Variants in PHF14 observed in about 807,000 individuals in gnomAD.
The protein encoded by PHF14 is PHD finger protein 14.
A neutral mutation model predicts 117.9 loss-of-function variants in PHF14; 55 were observed. The ratio of observed to expected loss-of-function variants is 0.47; its 90% CI spans 0.38 to 0.58. The LOEUF (loss-of-function observed/expected upper bound fraction) is 0.58. PHF14 is among the 20% of genes least tolerant of loss of function. The pLI is 0.00. For missense variants in PHF14, 978 were observed against 1,122.2 expected, an observed-to-expected ratio of 0.87 and a Z score of 1.84; for synonymous variants, 409 against 368.6, an observed-to-expected ratio of 1.11 and a Z score of -1.26.
intron 17 of PHF14, among the ~76,000 whole-genome samples, chr7:11,137,303 A>G (rs1044743133): frequency 2.0e-4 from 30 of 152,156 alleles, no homozygotes; most frequent in Non-Finnish European, 4.4e-5. Flanking sequence ...GTGCCTGCCA[A>G]TTGGCTGCCA....
chr7:11,023,234 C>T (rs1783794874), intron 6 of PHF14, among the ~76,000 whole-genome samples: 1 of 152,100 alleles, frequency 6.6e-6, no homozygotes, highest in African/African-American at 2.4e-5. Flanking sequence ...TGGCAGTGTT[C>T]ACAATGCCTA....
intron 4 of PHF14, among the ~76,000 whole-genome samples, chr7:11,004,464 A>G (rs574100203): frequency 1.3e-5 from 2 of 150,700 alleles, no homozygotes; most frequent in East Asian, 2.0e-4. Flanking sequence ...TATTGTCACT[A>G]TGGTTTCTCC....
intron 14 of PHF14, among the ~76,000 whole-genome samples, chr7:11,055,412 T>C (rs1290411979): frequency 6.6e-6 from 1 of 152,160 alleles, no homozygotes; most frequent in East Asian, 1.9e-4. Flanking sequence ...TTTCCATTGT[T>C]TTTACACACA....
chr7:11,092,901 G>C (rs189103952), intron 16 of PHF14, among the ~76,000 whole-genome samples: 92 of 152,270 alleles, frequency 6.0e-4, no homozygotes, highest in Non-Finnish European at 9.9e-4. Flanking sequence ...CCAGTTAAAG[G>C]GTGTTTTTTT....
Position 11,150,548 on chromosome 7 carries a change from ATTTC to A in PHF14, c.2773-18861_2773-18858del, listed in dbSNP as rs796679840. 6.6e-4 allele frequency among the ~76,000 whole-genome samples: 100 copies of A among 152,226 alleles called. 4 individuals are homozygous for A. The highest frequency in any genetic ancestry group is 1.8e-3 in the African/African-American group (76 of 41,552). ...AAAGAGAGAGGAAGTGGGAATTTTT[ATTTC>A]TTTCTTCTCATTCTTTCATTTGCAT... On this transcript the variant is annotated intron_variant, in intron 17 of 17. Coordinates refer to ENST00000634607, the MANE Select transcript of PHF14 (RefSeq NM_001007157.2).
chr7:11,015,971 T>TA (rs1783520208), intron 5 of PHF14, among the ~76,000 whole-genome samples: 2 of 152,142 alleles, frequency 1.3e-5, no homozygotes, highest in Non-Finnish European at 2.9e-5. Context: ...GTTGATAATT[T>TA]AAAAGTTCTG....
intron 2 of PHF14, among the ~76,000 whole-genome samples, chr7:10,977,234 G>A (rs1781898952): frequency 6.6e-6 from 1 of 152,050 alleles, no homozygotes. Flanking sequence ...TAAATTGGAA[G>A]TAGAGAAATG....
chr7:11,157,565 A>AT (rs1367586102), intron 17 of PHF14, among the ~76,000 whole-genome samples: 7 of 152,150 alleles, frequency 4.6e-5, no homozygotes, highest in African/African-American at 1.4e-4. Flanking sequence ...ACTGAGATAA[A>AT]ATGTCAGTAT....
intron 17 of PHF14, among the ~76,000 whole-genome samples, chr7:11,123,168 C>A (rs1244849528): frequency 6.6e-6 from 1 of 152,022 alleles, no homozygotes; most frequent in Non-Finnish European, 1.5e-5. Flanking sequence ...CAATACCACA[C>A]CCATTTTGCA....
intron 17 of PHF14, among the ~76,000 whole-genome samples, chr7:11,127,149 G>A (rs528147506): frequency 6.6e-6 from 1 of 151,504 alleles, no homozygotes; most frequent in African/African-American, 2.4e-5. Context: ...CCAGTTTAAT[G>A]TCAAATCTTC....
chr7:11,061,533 AT>A (rs1418716863), intron 14 of PHF14: 5 of 250,012 alleles, frequency 2.0e-5, no homozygotes, highest in Admixed American at 5.3e-5. Flanking sequence ...TGGAGAATTC[AT>A]TTTTTTTCTA....
rs1387243820 is a variant in PHF14, at chr7:10,997,231, C to G, written c.1045+6384C>G. Among the ~76,000 whole-genome samples the G allele has an allele frequency of 3.3e-5, 5 of 152,138 alleles. No homozygotes were observed. In the East Asian group the frequency reaches 9.6e-4, roughly 29 times the overall value. On this transcript the variant is annotated intron_variant, in intron 4 of 17. Coordinates refer to ENST00000634607, the MANE Select transcript of PHF14 (RefSeq NM_001007157.2). ...AATATCCTCAAGCAGAGCAAAAAGA[C>G]ATTATTACTGAGAATATATCACTGA...
In PHF14 at chr7:10,982,979, A is replaced by G; in HGVS notation, c.720A>G (p.Glu240=). ...EGSDGDNEDD[E]DEGSGSDEDE... is the part of the protein sequence containing the mutation. ...GTGATGGAGACAATGAGGATGATGA[A>G]GATGAGGGAAGCGGGAGTGATGAAG... is the stretch of plus-strand genomic sequence containing the variant. Residue 240 remains glutamate, a synonymous_variant, in exon 3 of 18, where the codon GAA becomes GAG. Coordinates refer to ENST00000634607, the MANE Select transcript of PHF14 (RefSeq NM_001007157.2). The G allele has an allele frequency of 1.9e-6, 3 of 1,586,884 alleles. No individual in the cohort carries two copies. Among genetic ancestry groups the G allele is most frequent in the Non-Finnish European group, 2.6e-6 (3 of 1,166,702 alleles).
At chr7:11,026,165 A>G (rs1783905429) in intron 6 of PHF14, among the ~76,000 whole-genome samples, 2 of 151,576 alleles carry the variant, frequency 1.3e-5, no homozygotes, top group South Asian at 4.2e-4. Context: ...ACTTTCAGCA[A>G]CCACCACCAC....
At chr7:11,088,878 A>G (rs1786530708) in intron 16 of PHF14, among the ~76,000 whole-genome samples, 1 of 152,142 alleles carries the variant, frequency 6.6e-6, no homozygotes, top group South Asian at 2.1e-4. Context: ...GAATGAGGAA[A>G]CCTGTTTTAT....
chr7:11,167,538 C>T (rs868627202), intron 17 of PHF14, among the ~76,000 whole-genome samples: 1 of 152,010 alleles, frequency 6.6e-6, no homozygotes, highest in South Asian at 2.1e-4. Context: ...TAAGTATGTC[C>T]TGTTAGATGG....
At chr7:11,011,241 ATTTG>A (rs145752229) in intron 4 of PHF14, among the ~76,000 whole-genome samples, 1,917 of 151,964 alleles carry the variant, frequency 0.013, 40 homozygotes, top group East Asian at 0.1. Context: ...CTCGTGGGTG[ATTTG>A]TTTAACTCAG....
chr7:11,159,063 T>G (rs1788940628), intron 17 of PHF14, among the ~76,000 whole-genome samples: 1 of 152,174 alleles, frequency 6.6e-6, no homozygotes, highest in Non-Finnish European at 1.5e-5. Context: ...TAAATCAGGC[T>G]ATTTTATATC....
chr7:11,077,326 G>A (rs193067247), intron 16 of PHF14, among the ~76,000 whole-genome samples: 296 of 151,526 alleles, frequency 2.0e-3, no homozygotes, highest in African/African-American at 6.8e-3. Flanking sequence ...ATTCAGCCGG[G>A]CGCAGTGGGG....
Sources: gnomAD v4.1 joint callset for allele counts (sites outside exome capture counted in the v4.1 genomes callset) on GRCh38, gnomAD v4.1.1 for gene constraint, MANE v1.5 for transcripts, NCBI Gene and HGNC (gene_info 2026-07-23, HGNC 2026-07-21) for gene names.